The following TDRD6 variants were observed in gnomAD, a reference collection of about 807,000 sequenced individuals.
TDRD6 encodes tudor domain containing 6.
Under a neutral mutation model 157.5 loss-of-function variants are expected in TDRD6, and 186 were observed. The observed-to-expected ratio is 1.18, with a 90% CI of 1.05 to 1.33. TDRD6 has a LOEUF of 1.33. TDRD6 is among the 40% of genes most tolerant of loss of function. The pLI is 0.00. For missense variants in TDRD6, 3,066 were observed against 2,508.0 expected, an observed-to-expected ratio of 1.22 and a Z score of -4.75; for synonymous variants, 1,075 against 945.2, an observed-to-expected ratio of 1.14 and a Z score of -2.52.
chr6:46,684,104 GCT>G (rs1459983471), upstream of TDRD6, among the ~76,000 whole-genome samples: 1 of 152,038 alleles, frequency 6.6e-6, no homozygotes, highest in Non-Finnish European at 1.5e-5. Flanking sequence ...AAAAGACTAT[GCT>G]CTCTCTACTC....
Position 46,691,878 on chromosome 6 carries a change from G to GT in TDRD6, c.3753dup (p.Pro1252SerfsTer13), listed in dbSNP as rs762927707. On this transcript the variant is annotated frameshift_variant, in exon 1 of 4. Coordinates refer to ENST00000316081, the MANE Select transcript of TDRD6 (RefSeq NM_001010870.3). LOFTEE classifies it high-confidence loss of function. ...CTGTGGGAAATAAAAATAGTCAAGTGTTTCCATTAACAACAGAAAAGAAAG... is the reference window on the plus strand; with the variant it reads ...CTGTGGGAAATAAAAATAGTCAAGTGTTTTCCATTAACAACAGAAAAGAAAG... 6.3e-7 allele frequency: 1 copy of GT among 1,593,850 alleles called. No homozygotes were observed. The highest frequency in any genetic ancestry group is 8.5e-7 in the Non-Finnish European group (1 of 1,174,916).
chr6:46,701,817 T>C lies in TDRD6; in HGVS notation c.6262-41T>C, dbSNP rs531747619. ...ATGGAAATAAATTTTTTTGTTTGTA[T>C]GTTTCTTTCTCAGTTTGAAGTTTTT... On this transcript the variant is annotated intron_variant, in intron 3 of 3. Transcript: ENST00000316081. 8.1e-6 allele frequency: 13 copies of C among 1,610,456 alleles called. No individual in the cohort carries two copies. In the African/African-American group the frequency reaches 1.1e-4, roughly 13 times the overall value.
At position 46,688,643 on chromosome 6, in the gene TDRD6, A is replaced by G. The variant is rs199841978; in HGVS notation, c.515A>G (p.Asp172Gly). The change falls in exon 1 of 4, where the codon GAC (aspartate) becomes GGC (glycine). Residue 172 changes from aspartate (D) to glycine (G), a missense_variant. Coordinates refer to ENST00000316081, the MANE Select transcript of TDRD6 (RefSeq NM_001010870.3). ...AAGGAGGTGCACGGGTGCGTCCTGGACGTGCTGCTGCTCCATCGCCTGGTC... is the reference window on the plus strand; with the variant it reads ...AAGGAGGTGCACGGGTGCGTCCTGGGCGTGCTGCTGCTCCATCGCCTGGTC... ...QGKEVHGCVL[D>G]VLLLHRLVLL... 6.3e-7 allele frequency: 1 copy of G among 1,599,284 alleles called. No individual in the cohort carries two copies. Among genetic ancestry groups the G allele is most frequent in the African/African-American group, 1.3e-5 (1 of 75,026 alleles).
chr6:46,694,653 A>G (rs943607910), intron 1 of TDRD6, among the ~76,000 whole-genome samples: 2 of 152,240 alleles, frequency 1.3e-5, no homozygotes, highest in African/African-American at 2.4e-5. Flanking sequence ...TTGTGAAATC[A>G]GTGCAAAATA....
At chr6:46,685,070 CTT>C (rs374398887), upstream of TDRD6, among the ~76,000 whole-genome samples, 30 of 123,758 alleles carry the variant, frequency 2.4e-4, no homozygotes, top group African/African-American at 6.6e-4. Flanking sequence ...TCATATTCTT[CTT>C]TGTCATCTGT....
At chr6:46,697,442 C>T (rs1764526986) in intron 2 of TDRD6, among the ~76,000 whole-genome samples, 1 of 152,136 alleles carries the variant, frequency 6.6e-6, no homozygotes, top group South Asian at 2.1e-4. Context: ...GTCTTTTCTC[C>T]ACTAGATTTT....
In TDRD6 at chr6:46,690,353, TGAAAA is replaced by T; in HGVS notation, c.2228_2232del (p.Lys743SerfsTer15). 1.2e-6 allele frequency: 2 copies of T among 1,613,424 alleles called. No individual in the cohort carries two copies. Among genetic ancestry groups the T allele is most frequent in the Non-Finnish European group, 1.7e-6 (2 of 1,179,946 alleles). On this transcript the variant is annotated frameshift_variant, in exon 1 of 4. Transcript: ENST00000316081. LOFTEE classifies it high-confidence loss of function. ...ACTGAACTAGTTGTGCAGGAAAAAGTGAAAAGAGCATCTGTTTATTTTCCTCTTAT... is the reference window on the plus strand; with the variant it reads ...ACTGAACTAGTTGTGCAGGAAAAAGTGAGCATCTGTTTATTTTCCTCTTAT...
chr6:46,693,626 A>T lies in TDRD6; in HGVS notation c.5498A>T (p.Asn1833Ile). Residue 1833 changes from asparagine (N) to isoleucine (I), a missense_variant, in exon 1 of 4, where the codon AAT (asparagine) becomes ATT (isoleucine). Physicochemically the swap from Asn to Ile is moderately radical, Grantham distance 149. Transcript: ENST00000316081. Reference protein sequence around the residue: ...ANETKEILELNSLEVPLSPDD... With the variant: ...ANETKEILELISLEVPLSPDD... ...GAAACAAAGGAGATACTAGAACTGA[A>T]TTCACTTGAGGTGCCGCTTTCTCCT... 1 of 1,614,214 alleles carries T rather than the reference A, an allele frequency of 6.2e-7. No homozygotes were observed. Among genetic ancestry groups the T allele is most frequent in the Non-Finnish European group, 8.5e-7 (1 of 1,180,044 alleles).
rs1764653368 is a variant in TDRD6, at chr6:46,702,679, G to A, written c.*792G>A. On this transcript the variant is annotated 3_prime_UTR_variant, in exon 4 of 4. Coordinates refer to ENST00000316081, the MANE Select transcript of TDRD6 (RefSeq NM_001010870.3). ...TAAAGAGGTTAAATAACTTGCCTAA[G>A]GTCAGATAGCTGATGAGTCTCAGAG... The A allele has an allele frequency of 6.6e-6, 1 of 152,074 alleles. No individual in the cohort carries two copies. The highest frequency in any genetic ancestry group is 2.4e-5 in the African/African-American group (1 of 41,432). 9.4% of individuals were successfully genotyped at this position (152,074 alleles called of 1,614,324 possible).
the TDRD6 span, among the ~76,000 whole-genome samples, chr6:46,680,442 C>A: frequency 4.6e-3 from 704 of 152,110 alleles, 5 homozygotes; most frequent in African/African-American, 0.016. Context: ...TTAAAAATGT[C>A]ATTAGGATTC....
upstream of TDRD6, among the ~76,000 whole-genome samples, chr6:46,687,080 T>A (rs1215359322): frequency 1.3e-5 from 2 of 152,218 alleles, no homozygotes; most frequent in African/African-American, 4.8e-5. Context: ...TGTAGACATA[T>A]CCTGGAAACT....
rs530240205 is a variant in TDRD6 at position 46,692,505 on chromosome 6, A to G, written c.4377A>G (p.Glu1459=). Reference sequence around the variant, plus strand: ...TTGTTAAATTTCAAGACAGATGGGAAGTTATTCTTGCTGATGAACATGGGA... The same window carrying G: ...TTGTTAAATTTCAAGACAGATGGGAGGTTATTCTTGCTGATGAACATGGGA... ...CEFVKFQDRW[E]VILADEHGII... The change falls in exon 1 of 4, where the codon GAA becomes GAG. Residue 1459 remains glutamate (E), a synonymous_variant. Coordinates refer to ENST00000316081, the MANE Select transcript of TDRD6 (RefSeq NM_001010870.3). The G allele has an allele frequency of 6.2e-7, 1 of 1,613,780 alleles. No individual in the cohort carries two copies. The highest frequency in any genetic ancestry group is 2.2e-5 in the East Asian group (1 of 44,884).
In TDRD6 at chr6:46,688,838, C is replaced by T. The variant is rs751083552; in HGVS notation, c.710C>T (p.Pro237Leu). ...CGAGTCCCGCTCAAGCAAAAGCAGCCTGGTCTGGATTACTTCTATCCCCAG... is the reference window on the plus strand; with the variant it reads ...CGAGTCCCGCTCAAGCAAAAGCAGCTTGGTCTGGATTACTTCTATCCCCAG... ...LSRVPLKQKQ[P>L]GLDYFYPQLQ... is the part of the protein sequence containing the mutation. Residue 237 changes from proline (P) to leucine (L), a missense_variant, in exon 1 of 4, where the codon CCT becomes CTT. Coordinates refer to ENST00000316081, the MANE Select transcript of TDRD6 (RefSeq NM_001010870.3). 4.3e-6 allele frequency: 7 copies of T among 1,612,818 alleles called. No individual in the cohort carries two copies. Among genetic ancestry groups the T allele is most frequent in the Non-Finnish European group, 5.9e-6 (7 of 1,179,712 alleles).
At chr6:46,697,092 G>A (rs894745206) in intron 2 of TDRD6, among the ~76,000 whole-genome samples, 10 of 152,002 alleles carry the variant, frequency 6.6e-5, no homozygotes, top group African/African-American at 2.4e-4. Flanking sequence ...AAGTGTTTAT[G>A]TACTCTCTTT....
rs773817579 is a variant in TDRD6 at position 46,694,054 on chromosome 6, G to C, written c.5926G>C (p.Glu1976Gln). ...PKTQNEMNIC[E>Q]EEFVEYKNRD... is the part of the protein sequence containing the mutation. ...AACACAGAATGAAATGAATATATGTGAAGAAGAATTTGTAGAGTATAAAAA... is the reference window on the plus strand; with the variant it reads ...AACACAGAATGAAATGAATATATGTCAAGAAGAATTTGTAGAGTATAAAAA... Residue 1976 changes from glutamate to glutamine, a missense_variant, in exon 1 of 4, where the codon GAA becomes CAA. By Grantham distance (29) the Glu-to-Gln change is conservative. Coordinates refer to ENST00000316081, the MANE Select transcript of TDRD6 (RefSeq NM_001010870.3). 6.2e-7 allele frequency: 1 copy of C among 1,613,940 alleles called. No homozygotes were observed. The highest frequency in any genetic ancestry group is 1.3e-5 in the African/African-American group (1 of 75,048).
At position 46,692,247 on chromosome 6, in the gene TDRD6, G is replaced by T; in HGVS notation, c.4119G>T (p.Val1373=). 2 of 1,614,046 alleles carry T rather than the reference G, an allele frequency of 1.2e-6. No homozygotes were observed. The highest frequency in any genetic ancestry group is 2.2e-5 in the South Asian group (2 of 91,060). Reference sequence around the variant, plus strand: ...AAGATAATTTATGGTATCGTGCTGTGATCAAGGAGCAACAACCCAATGACC... The same window carrying T: ...AAGATAATTTATGGTATCGTGCTGTTATCAAGGAGCAACAACCCAATGACC... ...FPEDNLWYRA[V]IKEQQPNDLL... The change falls in exon 1 of 4, where the codon GTG becomes GTT. Residue 1373 remains valine, a synonymous_variant. Coordinates refer to ENST00000316081, the MANE Select transcript of TDRD6 (RefSeq NM_001010870.3).
Position 46,689,553 on chromosome 6 carries a change from C to G in TDRD6, c.1425C>G (p.Leu475=), listed in dbSNP as rs779782523. ...PAEEVDEEIS[L]PALRSIRLKM... The stretch of plus-strand genomic sequence containing the variant: ...AAGAAGTAGATGAAGAGATTTCACT[C>G]CCAGCCTTAAGATCTATCAGGTTAA... The change falls in exon 1 of 4, where the codon CTC becomes CTG. Residue 475 remains leucine (L), a synonymous_variant. Coordinates refer to ENST00000316081, the MANE Select transcript of TDRD6 (RefSeq NM_001010870.3). The G allele has an allele frequency of 3.7e-6, 6 of 1,614,126 alleles. No individual in the cohort carries two copies. The South Asian group carries it at 5.5e-5, about 15-fold the overall frequency.
chr6:46,692,742 T>C lies in TDRD6; in HGVS notation c.4614T>C (p.Phe1538=). 1 of 1,614,210 alleles carries C rather than the reference T, an allele frequency of 6.2e-7. No individual in the cohort carries two copies. Among genetic ancestry groups the C allele is most frequent in the Non-Finnish European group, 8.5e-7 (1 of 1,180,040 alleles). Residue 1538 remains phenylalanine (F), a synonymous_variant, in exon 1 of 4, where the codon TTT becomes TTC. Transcript: ENST00000316081. ...GACCTGAGTACTTTTGGTGTCAGTTTGCTGATACGGAGAAACTTCAGTGTT... is the reference window on the plus strand; with the variant it reads ...GACCTGAGTACTTTTGGTGTCAGTTCGCTGATACGGAGAAACTTCAGTGTT... ...IDGPEYFWCQ[F]ADTEKLQCLE...
At chr6:46,680,488 G>A in the TDRD6 span, among the ~76,000 whole-genome samples, 1 of 152,030 alleles carries the variant, frequency 6.6e-6, no homozygotes, top group Non-Finnish European at 1.5e-5. Flanking sequence ...ATTTCAAGAT[G>A]GGGAAAAATT....
Sources: gnomAD v4.1 joint callset for allele counts (sites outside exome capture counted in the v4.1 genomes callset) on GRCh38, gnomAD v4.1.1 for gene constraint, MANE v1.5 for transcripts, NCBI Gene and HGNC (gene_info 2026-07-23, HGNC 2026-07-21) for gene names.